SFXN5: variants seen among roughly 807,000 people sequenced by gnomAD.
The protein encoded by SFXN5 is sideroflexin-5.
A neutral mutation model predicts 50.2 loss-of-function variants in SFXN5; 43 were observed. That is an observed-to-expected ratio of 0.86 (90% CI 0.67 to 1.11). SFXN5 has a LOEUF of 1.11. Ranked by LOEUF, SFXN5 falls within the 50% of genes least tolerant of loss-of-function variation. SFXN5 has a pLI of 0.00. For synonymous variants in SFXN5, 203 were observed against 185.8 expected (o/e 1.09, Z -0.75); for missense variants, 463 against 454.1 (o/e 1.02, Z -0.18).
At chr2:73,000,512 C>T in intron 7 of SFXN5, 25 bp from the exon 8 acceptor site, 1 of 1,553,878 alleles carries the variant, frequency 6.4e-7, no homozygotes, top group African/African-American at 1.4e-5. Flanking sequence ...TGAGAGAAGT[C>T]AGGGAAGGAG....
intron 10 of SFXN5, among the ~76,000 whole-genome samples, chr2:72,984,135 C>T (rs1245644639): frequency 2.6e-5 from 4 of 152,220 alleles, no homozygotes; most frequent in South Asian, 2.1e-4. Flanking sequence ...ATTCCGATGC[C>T]AGCACACATG....
chr2:73,007,169 T>A (rs1358965849), intron 6 of SFXN5, among the ~76,000 whole-genome samples: 1 of 152,126 alleles, frequency 6.6e-6, no homozygotes, highest in Non-Finnish European at 1.5e-5. Context: ...TGTACGATGA[T>A]ATCAGGACTC....
intron 4 of SFXN5, 147 bp from the exon 5 acceptor site, chr2:73,022,723 G>A: frequency 1.5e-6 from 1 of 662,508 alleles, no homozygotes; most frequent in East Asian, 2.7e-5. Context: ...TCAGATACCA[G>A]TGGCTGTATG....
intron 6 of SFXN5, 124 bp from the exon 7 acceptor site, chr2:73,001,702 TAC>T: frequency 1.1e-6 from 1 of 941,676 alleles, no homozygotes; most frequent in Non-Finnish European, 1.6e-6. Flanking sequence ...GTATGCCGTG[TAC>T]ATACAAACTG....
chr2:73,022,242 T>A (rs563076184), intron 5 of SFXN5, among the ~76,000 whole-genome samples: 63 of 152,216 alleles, frequency 4.1e-4, no homozygotes, highest in Admixed American at 1.3e-3. Context: ...CGCTGAGTGA[T>A]GTGGAGTGGG....
At chr2:72,949,204 T>C (rs1236526292) in intron 13 of SFXN5, among the ~76,000 whole-genome samples, 1 of 151,964 alleles carries the variant, frequency 6.6e-6, no homozygotes. Context: ...TGGCAGGAAA[T>C]GGAGGTGTGG....
At chr2:73,032,633 G>C (rs1678462907) in intron 3 of SFXN5, among the ~76,000 whole-genome samples, 1 of 152,178 alleles carries the variant, frequency 6.6e-6, no homozygotes, top group Admixed American at 6.5e-5. Context: ...ACACCCAGAG[G>C]GAGGAGGAAC....
chr2:72,965,854 C>T (rs571736035), intron 12 of SFXN5, among the ~76,000 whole-genome samples: 2 of 152,322 alleles, frequency 1.3e-5, no homozygotes, highest in East Asian at 3.9e-4. Flanking sequence ...CAGGACAGGT[C>T]CCTGGATGAG....
chr2:72,948,388 T>C (rs989687187), intron 13 of SFXN5, among the ~76,000 whole-genome samples: 1 of 152,184 alleles, frequency 6.6e-6, no homozygotes, highest in Admixed American at 6.5e-5. Flanking sequence ...AATCAGTAAA[T>C]GATGTAAAGT....
At chr2:73,053,027 A>T (rs112729967) in intron 2 of SFXN5, among the ~76,000 whole-genome samples, 10,211 of 152,192 alleles carry the variant, frequency 0.067, 604 homozygotes, top group Admixed American at 0.17. Context: ...AAATACAAAA[A>T]TTATCCGAGC....
chr2:72,984,964 G>C (rs1160843518), intron 10 of SFXN5, among the ~76,000 whole-genome samples: 1 of 152,124 alleles, frequency 6.6e-6, no homozygotes, highest in African/African-American at 2.4e-5. Context: ...GGGATTCCTT[G>C]TTCCCCAGAG....
At chr2:72,968,350 C>T in intron 12 of SFXN5, 98 bp downstream of exon 12, 1 of 1,144,668 alleles carries the variant, frequency 8.7e-7, no homozygotes, top group Non-Finnish European at 1.3e-6. Flanking sequence ...GGTGGGCTTC[C>T]TGCCACCCCC....
chr2:72,966,904 A>G (rs1252624673), intron 12 of SFXN5, among the ~76,000 whole-genome samples: 3 of 152,042 alleles, frequency 2.0e-5, no homozygotes, highest in Non-Finnish European at 4.4e-5. Flanking sequence ...ACCCTTATAA[A>G]CACACAGGCT....
chr2:73,024,776 T>C (rs924704005), intron 3 of SFXN5, among the ~76,000 whole-genome samples: 1 of 152,200 alleles, frequency 6.6e-6, no homozygotes, highest in Non-Finnish European at 1.5e-5. Context: ...AGTTTTATAA[T>C]AGAATGGTTG....
intron 1 of SFXN5, among the ~76,000 whole-genome samples, chr2:73,065,212 T>TG (rs1683088964): frequency 1.3e-5 from 2 of 152,148 alleles, no homozygotes; most frequent in African/African-American, 4.8e-5. Context: ...GGGATCCTCC[T>TG]GCCCCAGCCT....
chr2:73,065,463 C>G (rs1683106404), intron 1 of SFXN5, among the ~76,000 whole-genome samples: 1 of 151,696 alleles, frequency 6.6e-6, no homozygotes, highest in Non-Finnish European at 1.5e-5. Flanking sequence ...TGCAATGGTG[C>G]AATCTCGGCT....
intron 9 of SFXN5, among the ~76,000 whole-genome samples, chr2:72,995,929 C>A (rs1370114741): frequency 6.6e-6 from 1 of 152,194 alleles, no homozygotes; most frequent in Non-Finnish European, 1.5e-5. Context: ...AGACGTCAGG[C>A]GGAGGGACGC....
At chr2:72,957,246 G>T in intron 13 of SFXN5, 3 of 352,368 alleles carry the variant, frequency 8.5e-6, no homozygotes, top group South Asian at 6.5e-5. Flanking sequence ...GACTTAAGGG[G>T]CATTAGGAAG....
At chr2:72,986,291 G>A (rs1198951034) in intron 10 of SFXN5, among the ~76,000 whole-genome samples, 1 of 152,238 alleles carries the variant, frequency 6.6e-6, no homozygotes, top group African/African-American at 2.4e-5. Flanking sequence ...GGGCTGCCCA[G>A]CAATGACCTC....
Sources: allele counts gnomAD v4.1 joint callset (sites outside exome capture counted in the v4.1 genomes callset), GRCh38; gene constraint gnomAD v4.1.1; transcripts MANE v1.5; gene names NCBI Gene and HGNC (gene_info 2026-07-23, HGNC 2026-07-21).